EPHA5: variants seen among roughly 807,000 people sequenced by gnomAD.
EPHA5 encodes ephrin type-A receptor 5.
EPHA5 carries 60 observed loss-of-function variants against 105.0 expected under a neutral mutation model. The observed-to-expected ratio is 0.57, with a 90% CI of 0.46 to 0.71. EPHA5 has a LOEUF of 0.71. Ranked by LOEUF, EPHA5 falls within the 30% of genes least tolerant of loss-of-function variation. The pLI is 0.00. For missense variants in EPHA5, 1,218 were observed against 1,274.7 expected (o/e 0.96, Z 0.68); for synonymous variants, 513 against 449.1 (o/e 1.14, Z -1.80).
In EPHA5 at chr4:65,350,322, C is replaced by G. The variant is rs563174429; in HGVS notation, c.2445+1067G>C. 1.9e-4 allele frequency among the ~76,000 whole-genome samples: 29 copies of G among 152,018 alleles called. No homozygotes were observed. In the South Asian group the frequency reaches 5.6e-3, roughly 29 times the overall value. Reference sequence around the variant, plus strand: ...GTTTGCTTGGATAAGTTACTTTCTCCCTTCAACAAAGTACAAATCCCCATG... The same window carrying G: ...GTTTGCTTGGATAAGTTACTTTCTCGCTTCAACAAAGTACAAATCCCCATG... On this transcript the variant is annotated intron_variant, in intron 13 of 16. Coordinates refer to ENST00000613740, the MANE Select transcript of EPHA5 (RefSeq NM_001281766.3).
intron 5 of EPHA5, among the ~76,000 whole-genome samples, chr4:65,488,022 A>C (rs998833513): frequency 6.6e-6 from 1 of 152,196 alleles, no homozygotes; most frequent in Admixed American, 6.5e-5. Context: ...GCAAAATGTT[A>C]CAGTGTATAC....
intron 3 of EPHA5, among the ~76,000 whole-genome samples, chr4:65,523,482 T>C (rs903690565): frequency 2.6e-5 from 4 of 152,132 alleles, no homozygotes; most frequent in Admixed American, 1.3e-4. Flanking sequence ...TGACAAAATA[T>C]CCAGTTAGCT....
chr4:65,589,148 G>C (rs988025567), intron 3 of EPHA5, among the ~76,000 whole-genome samples: 1 of 152,060 alleles, frequency 6.6e-6, no homozygotes, highest in African/African-American at 2.4e-5. Flanking sequence ...ATTATGTACT[G>C]AGAGCAATAA....
Position 65,466,345 on chromosome 4 carries a change from T to G in EPHA5, c.1402+24032A>C, listed in dbSNP as rs1243881548. On this transcript the variant is annotated intron_variant, in intron 5 of 16. Coordinates refer to ENST00000613740, the MANE Select transcript of EPHA5 (RefSeq NM_001281766.3). ...TTCAATGATTGGCAAAAAAGGCAAATGTACCTGGTAAAGTGAGTGAGTGAG... is the reference window on the plus strand; with the variant it reads ...TTCAATGATTGGCAAAAAAGGCAAAGGTACCTGGTAAAGTGAGTGAGTGAG... Among the ~76,000 whole-genome samples the G allele has an allele frequency of 2.0e-5, 3 of 152,128 alleles. No homozygotes were observed. In the East Asian group the frequency reaches 5.8e-4, roughly 29 times the overall value.
At chr4:65,526,374 CA>C (rs1207849069) in intron 3 of EPHA5, among the ~76,000 whole-genome samples, 1 of 151,644 alleles carries the variant, frequency 6.6e-6, no homozygotes, top group Admixed American at 6.6e-5. Context: ...GCAAGAGGCA[CA>C]AAACATTGTG....
In EPHA5 at chr4:65,670,385, G is replaced by C. The variant is rs1341668916; in HGVS notation, c.-643C>G. 4.3e-6 allele frequency: 1 copy of C among 233,728 alleles called. No individual in the cohort carries two copies. The highest frequency in any genetic ancestry group is 6.0e-5 in the East Asian group (1 of 16,602). 14.5% of individuals were successfully genotyped at this position (233,728 alleles called of 1,614,324 possible). A position where few individuals can be genotyped will look rare whatever the true frequency, so the allele number is the denominator to read the frequency against. ...GGTAGGAGCGCGGAGCTGCGCTGCG[G>C]CGGCCCAGGAGCTGCTGCGGTTCCC... is the stretch of plus-strand genomic sequence containing the variant. On this transcript the variant is annotated 5_prime_UTR_variant, in exon 1 of 17. Coordinates refer to ENST00000613740, the MANE Select transcript of EPHA5 (RefSeq NM_001281766.3).
At position 65,643,382 on chromosome 4, in the gene EPHA5, A is replaced by T. The variant is rs753467224; in HGVS notation, c.227T>A (p.Ile76Asn). ...ACTTACCCCATTTTTTGGAAAAGCA[A>T]TCCATCCCAGGTCCCCCATGACAGT... The part of the protein sequence containing the change: ...SRTVMGDLGW[I>N]AFPKNGWEEI... Residue 76 changes from isoleucine (I) to asparagine (N), a missense_variant, in exon 2 of 17, where the codon ATT becomes AAT. Ile to Asn is a moderately radical substitution (Grantham distance 149). Around this residue, in one of 3 missense-constraint regions of EPHA5, gnomAD observed 233 missense variants for 227.5 expected, o/e 1.02. Transcript: ENST00000613740. 1 of 1,613,174 alleles carries T rather than the reference A, an allele frequency of 6.2e-7. No individual in the cohort carries two copies. The highest frequency in any genetic ancestry group is 1.7e-4 in the Middle Eastern group (1 of 6,060).
intron 1 of EPHA5, among the ~76,000 whole-genome samples, chr4:65,657,833 G>A (rs142507415): frequency 1.6e-4 from 24 of 150,626 alleles, no homozygotes; most frequent in African/African-American, 5.9e-4. Context: ...AGCGAGCACT[G>A]GAGGTGGCAC....
At chr4:65,393,013 T>C (rs1720876670) in intron 8 of EPHA5, among the ~76,000 whole-genome samples, 1 of 152,170 alleles carries the variant, frequency 6.6e-6, no homozygotes, top group African/African-American at 2.4e-5. Flanking sequence ...ATTGTTTTGA[T>C]ATATTGTTCA....
At chr4:65,668,260 G>C (rs1004311060) in intron 1 of EPHA5, among the ~76,000 whole-genome samples, 6 of 152,112 alleles carry the variant, frequency 3.9e-5, no homozygotes, top group Non-Finnish European at 8.8e-5. Context: ...TCCTACAGCG[G>C]AGACTGAACC....
chr4:65,664,951 T>A (rs1003338559), intron 1 of EPHA5, among the ~76,000 whole-genome samples: 2 of 151,928 alleles, frequency 1.3e-5, no homozygotes, highest in African/African-American at 4.8e-5. Context: ...TAAAATGATG[T>A]CATAATCTTT....
intron 5 of EPHA5, among the ~76,000 whole-genome samples, chr4:65,422,802 T>G (rs1724061854): frequency 6.6e-6 from 1 of 152,046 alleles, no homozygotes; most frequent in Admixed American, 6.6e-5. Context: ...AGTTTTAAAT[T>G]TAGAATAGCT....
At chr4:65,465,519 GA>G (rs1240783395) in intron 5 of EPHA5, among the ~76,000 whole-genome samples, 1 of 86,976 alleles carries the variant, frequency 1.1e-5, no homozygotes, top group African/African-American at 4.2e-5. Context: ...AAGAAAGAAA[GA>G]AAGAAAGAAA....
At chr4:65,629,650 C>T (rs553356254) in intron 2 of EPHA5, among the ~76,000 whole-genome samples, 1 of 152,266 alleles carries the variant, frequency 6.6e-6, no homozygotes, top group East Asian at 1.9e-4. Flanking sequence ...ACTTCCTCAT[C>T]AGAATTCCTA....
intron 3 of EPHA5, among the ~76,000 whole-genome samples, chr4:65,571,129 A>T (rs189419053): frequency 6.6e-6 from 1 of 152,152 alleles, no homozygotes; most frequent in East Asian, 1.9e-4. Context: ...TATTTTCAAA[A>T]CATTTATTCA....
At chr4:65,454,736 T>A (rs1727407474) in intron 5 of EPHA5, among the ~76,000 whole-genome samples, 1 of 152,172 alleles carries the variant, frequency 6.6e-6, no homozygotes, top group Non-Finnish European at 1.5e-5. Flanking sequence ...AAAGTTCAGT[T>A]TAAAACTTTA....
intron 3 of EPHA5, among the ~76,000 whole-genome samples, chr4:65,591,361 G>T (rs980994027): frequency 1.3e-5 from 2 of 151,712 alleles, no homozygotes; most frequent in Non-Finnish European, 2.9e-5. Context: ...TTATACAGAT[G>T]ACATGATTTA....
chr4:65,514,910 A>T (rs1733957288), intron 3 of EPHA5, among the ~76,000 whole-genome samples: 1 of 152,084 alleles, frequency 6.6e-6, no homozygotes. Context: ...TAATCATCCT[A>T]TCCCTTTCCT....
rs549540558 is a variant in EPHA5 at position 65,463,855 on chromosome 4, A to C, written c.1402+26522T>G. On this transcript the variant is annotated intron_variant, in intron 5 of 16. Coordinates refer to ENST00000613740, the MANE Select transcript of EPHA5 (RefSeq NM_001281766.3). ...CATAGAGATCCTGAGATAGGGAAAT[A>C]ATTTTTTAAAACTATAGTCAAAACT... Among the ~76,000 whole-genome samples the C allele has an allele frequency of 2.5e-3, 381 of 152,170 alleles. 1 individual carries two copies. Among genetic ancestry groups the C allele is most frequent in the Non-Finnish European group, 4.1e-3 (276 of 67,938 alleles).
Sources: gnomAD v4.1 joint callset for allele counts (sites outside exome capture counted in the v4.1 genomes callset) on GRCh38, gnomAD v4.1.1 for gene constraint, gnomAD v4.1.1 regional missense constraint, MANE v1.5 for transcripts, NCBI Gene and HGNC (gene_info 2026-07-23, HGNC 2026-07-21) for gene names.